Variants in SFMBT2 observed in about 807,000 individuals in gnomAD.
The protein encoded by SFMBT2 is Scm like with four mbt domains 2.
A neutral mutation model predicts 110.1 loss-of-function variants in SFMBT2; 38 were observed. The ratio of observed to expected loss-of-function variants is 0.35; its 90% CI spans 0.27 to 0.45. The LOEUF (loss-of-function observed/expected upper bound fraction) is 0.45, where lower values mean the gene tolerates loss of function less well. SFMBT2 is among the 20% of genes least tolerant of loss of function. The probability of loss-of-function intolerance (pLI) is 1.00; values close to 1 mark genes in which losing one functional copy is unlikely to be tolerated. For missense variants in SFMBT2, 1,011 were observed against 1,094.9 expected, an observed-to-expected ratio of 0.92 and a Z score of 1.08; for synonymous variants, 425 against 425.4, an observed-to-expected ratio of 1.00 and a Z score of 0.01.
rs1013223735 is a variant in SFMBT2, at chr10:7,388,540, T to C, written c.-51-6591A>G. Among the ~76,000 whole-genome samples the C allele has an allele frequency of 1.3e-4, 19 of 148,278 alleles. No individual in the cohort carries two copies. The East Asian group carries it at 3.1e-3, about 24-fold the overall frequency. On this transcript the variant is annotated intron_variant, in intron 1 of 20. Transcript: ENST00000397167. The stretch of plus-strand genomic sequence containing the variant: ...ACCCAGCTAATTTTTTTTTTTTTTT[T>C]TTTTTTTTGTATTTTAGTAGAGACG...
chr10:7,164,289 G>A (rs778269385), intron 20 of SFMBT2: 2 of 610,736 alleles, frequency 3.3e-6, no homozygotes, highest in South Asian at 7.3e-5. Context: ...CAGAGGCTGA[G>A]GTGGGAGGAT....
intron 7 of SFMBT2, among the ~76,000 whole-genome samples, chr10:7,253,547 A>G (rs1840885950): frequency 6.6e-6 from 1 of 152,196 alleles, no homozygotes; most frequent in Non-Finnish European, 1.5e-5. Flanking sequence ...TATAGTCAAG[A>G]CACTTCTTAC....
chr10:7,205,133 G>A (rs1037983027), intron 12 of SFMBT2: 1 of 225,054 alleles, frequency 4.4e-6, no homozygotes, highest in South Asian at 1.6e-4. Context: ...GGAGTCTACT[G>A]GTGCTTGGTT....
chr10:7,231,118 G>A (rs543459116), intron 9 of SFMBT2, among the ~76,000 whole-genome samples: 3 of 152,036 alleles, frequency 2.0e-5, no homozygotes, highest in African/African-American at 7.2e-5. Flanking sequence ...AAAGTGTAAC[G>A]TGGCTGGATG....
intron 4 of SFMBT2, among the ~76,000 whole-genome samples, chr10:7,315,105 A>AAAGAAAGAAAGG (rs1842971404): frequency 1.4e-5 from 2 of 141,890 alleles, no homozygotes; most frequent in African/African-American, 5.1e-5. Flanking sequence ...AGAAAGAAAG[A>AAAGAAAGAAAGG]AAGAAAAAGC....
At position 7,232,359 on chromosome 10, in the gene SFMBT2, C is replaced by T. The variant is rs537134530; in HGVS notation, c.1121-4422G>A. Among the ~76,000 whole-genome samples, 22 of 151,964 alleles carry T rather than the reference C, an allele frequency of 1.4e-4. No individual in the cohort carries two copies. In the South Asian group the frequency reaches 4.4e-3, roughly 30 times the overall value. On this transcript the variant is annotated intron_variant, in intron 9 of 20. Transcript: ENST00000397167. ...CCATTTCACTTCTGGGAACTTATCC[C>T]ATAAAAATGACCCTAAAAACTGAAA...
chr10:7,194,354 G>A (rs1282854594), intron 15 of SFMBT2, among the ~76,000 whole-genome samples: 3 of 152,056 alleles, frequency 2.0e-5, no homozygotes, highest in South Asian at 2.1e-4. Context: ...CAGAAACTTC[G>A]TCCTCTCTTA....
At chr10:7,258,085 C>T (rs866021727) in intron 7 of SFMBT2, among the ~76,000 whole-genome samples, 1 of 152,244 alleles carries the variant, frequency 6.6e-6, no homozygotes, top group Middle Eastern at 3.4e-3. Context: ...GTGTGCACCA[C>T]CATACCTGGC....
intron 16 of SFMBT2, among the ~76,000 whole-genome samples, chr10:7,180,112 A>T (rs1378939111): frequency 1.4e-5 from 2 of 140,482 alleles, no homozygotes; most frequent in Non-Finnish European, 3.0e-5. Context: ...TGGCCCTTTT[A>T]TTTAGGTTTG....
intron 4 of SFMBT2, among the ~76,000 whole-genome samples, chr10:7,336,681 CA>C (rs935259413): frequency 2.0e-5 from 3 of 152,000 alleles, no homozygotes; most frequent in Non-Finnish European, 4.4e-5. Flanking sequence ...ATCAATCAAT[CA>C]ATCAGAGAGA....
chr10:7,267,205 G>A (rs117937955), intron 7 of SFMBT2, among the ~76,000 whole-genome samples: 186 of 152,096 alleles, frequency 1.2e-3, no homozygotes, highest in Middle Eastern at 3.4e-3. Context: ...GCTGTGTGAC[G>A]CCTCCAGGAG....
chr10:7,320,952 T>TA lies in SFMBT2; in HGVS notation c.437-34999dup, dbSNP rs1036329105. 1.7e-3 allele frequency among the ~76,000 whole-genome samples: 259 copies of TA among 152,172 alleles called. 4 individuals are homozygous for TA. The highest frequency in any genetic ancestry group is 4.6e-3 in the Admixed American group (71 of 15,278). On this transcript the variant is annotated intron_variant, in intron 4 of 20. Coordinates refer to ENST00000397167, the MANE Select transcript of SFMBT2 (RefSeq NM_001387889.1). Reference sequence around the variant, plus strand: ...AGTAAAGATAATTAAATAAATCGTCTAAAAAAAACACTCCTGTTAAAATTT... The same window carrying TA: ...AGTAAAGATAATTAAATAAATCGTCTAAAAAAAAACACTCCTGTTAAAATTT...
At chr10:7,381,215 C>T (rs564364213) in intron 2 of SFMBT2, among the ~76,000 whole-genome samples, 1 of 152,326 alleles carries the variant, frequency 6.6e-6, no homozygotes, top group South Asian at 2.1e-4. Flanking sequence ...CGCATGACCT[C>T]ACTTCCTTCC....
rs532387984 is a variant in SFMBT2 at position 7,384,355 on chromosome 10, C to T, written c.-51-2406G>A. Among the ~76,000 whole-genome samples, 9 of 151,988 alleles carry T rather than the reference C, an allele frequency of 5.9e-5. No homozygotes were observed. The South Asian group carries it at 1.9e-3, about 32-fold the overall frequency. On this transcript the variant is annotated intron_variant, in intron 1 of 20. Transcript: ENST00000397167. ...CGAGTGAGCACAATCTTAACCGTGG[C>T]CCTCTAGATGCCTAAATCTAAGGCA... is the stretch of plus-strand genomic sequence containing the variant.
chr10:7,250,435 T>A (rs149942221), intron 7 of SFMBT2, among the ~76,000 whole-genome samples: 38 of 152,302 alleles, frequency 2.5e-4, no homozygotes, highest in African/African-American at 8.9e-4. Context: ...TTTTTATGGC[T>A]ATGCAATATT....
chr10:7,286,447 G>A (rs907654061), intron 4 of SFMBT2: 71 of 855,148 alleles, frequency 8.3e-5, no homozygotes, highest in Non-Finnish European at 9.7e-5. Flanking sequence ...GAGAAATAGA[G>A]AAATGGGGAG....
chr10:7,171,412 C>T lies in SFMBT2; in HGVS notation c.2416-356G>A, dbSNP rs1189412944. The T allele has an allele frequency of 4.4e-5, 43 of 985,294 alleles. No homozygotes were observed. The highest frequency in any genetic ancestry group is 5.1e-5 in the Non-Finnish European group (42 of 829,928). 61.0% of individuals were successfully genotyped at this position (985,294 alleles called of 1,614,324 possible). On this transcript the variant is annotated intron_variant, in intron 19 of 20. Transcript: ENST00000397167. The surrounding 1 kb of genome is among the most constrained non-coding windows in gnomAD (Gnocchi z 4.9). ...GTCCAAGCAGACACGAGACAGTGTCCCCCAGTGTTTCTGTAATGGTGGTGC... is the reference window on the plus strand; with the variant it reads ...GTCCAAGCAGACACGAGACAGTGTCTCCCAGTGTTTCTGTAATGGTGGTGC...
intron 11 of SFMBT2, chr10:7,206,603 C>T (rs981121483): frequency 1.0e-6 from 1 of 983,966 alleles, no homozygotes; most frequent in Non-Finnish European, 1.2e-6. Flanking sequence ...TCTAAAAGAT[C>T]CCACTAAAAT....
At chr10:7,401,845 G>C (rs1846090697) in intron 1 of SFMBT2, among the ~76,000 whole-genome samples, 1 of 152,186 alleles carries the variant, frequency 6.6e-6, no homozygotes, top group African/African-American at 2.4e-5. Context: ...TAACTCCACA[G>C]TGCGCCATTC....
Sources: gnomAD v4.1 joint callset for allele counts (sites outside exome capture counted in the v4.1 genomes callset) on GRCh38, gnomAD v4.1.1 for gene constraint, Gnocchi (gnomAD v3.1) non-coding constraint, MANE v1.5 for transcripts, NCBI Gene and HGNC (gene_info 2026-07-23, HGNC 2026-07-21) for gene names.